SDK1: variants seen among roughly 807,000 people sequenced by gnomAD.
SDK1 encodes the protein protein sidekick-1.
In SDK1, 157 loss-of-function variants were observed where a neutral mutation model predicts 245.5. That is an observed-to-expected ratio of 0.64 (90% CI 0.56 to 0.73). The LOEUF (loss-of-function observed/expected upper bound fraction) is 0.73, where lower values mean the gene tolerates loss of function less well. Among genes scored for constraint, SDK1 ranks in the 30% least tolerant of loss-of-function variants. The pLI, the probability that SDK1 is intolerant of heterozygous loss-of-function variation, is 0.00. For synonymous variants in SDK1, 1,647 were observed against 1,278.5 expected, an observed-to-expected ratio of 1.29 and a Z score of -6.15; for missense variants, 3,583 against 3,002.3, an observed-to-expected ratio of 1.19 and a Z score of -4.52.
At chr7:3,581,949 A>G (rs2128632848) in intron 1 of SDK1, among the ~76,000 whole-genome samples, 1 of 152,324 alleles carries the variant, frequency 6.6e-6, no homozygotes, top group East Asian at 1.9e-4. Context: ...TGATGAGAAC[A>G]CATGGCCACA....
intron 1 of SDK1, among the ~76,000 whole-genome samples, chr7:3,469,607 A>T (rs961314516): frequency 6.6e-6 from 1 of 152,158 alleles, no homozygotes; most frequent in African/African-American, 2.4e-5. Flanking sequence ...TTGTGTATGT[A>T]TGCCTAGCTT....
intron 1 of SDK1, among the ~76,000 whole-genome samples, chr7:3,547,879 T>C (rs549196822): frequency 6.6e-6 from 1 of 152,326 alleles, no homozygotes; most frequent in East Asian, 1.9e-4. Flanking sequence ...GCCATCTGCT[T>C]CTTAGAATCT....
At position 3,303,150 on chromosome 7, in the gene SDK1, A is replaced by G. The variant is rs576378890; in HGVS notation, c.298+1266A>G. 2.6e-5 allele frequency among the ~76,000 whole-genome samples: 4 copies of G among 152,176 alleles called. No homozygotes were observed. The East Asian group carries it at 5.8e-4, about 22-fold the overall frequency. ...TATTTCTGGTTAATTTAACTCCTCC[A>G]TTACTTGGAAAATTTTCATTTCACT... On this transcript the variant is annotated intron_variant, in intron 1 of 44. Coordinates refer to ENST00000404826, the MANE Select transcript of SDK1 (RefSeq NM_152744.4).
intron 5 of SDK1, among the ~76,000 whole-genome samples, chr7:3,902,279 C>G (rs1479247088): frequency 6.6e-6 from 1 of 152,184 alleles, no homozygotes; most frequent in East Asian, 1.9e-4. Context: ...GGTTCTTCCT[C>G]TCCTCCCATT....
intron 1 of SDK1, among the ~76,000 whole-genome samples, chr7:3,309,617 C>A (rs975173821): frequency 7.6e-5 from 11 of 144,834 alleles, no homozygotes; most frequent in African/African-American, 2.5e-4. Flanking sequence ...ATTGTATAGT[C>A]ATGCTTTTAC....
At chr7:3,765,374 C>T (rs970590509) in intron 4 of SDK1, among the ~76,000 whole-genome samples, 1 of 152,184 alleles carries the variant, frequency 6.6e-6, no homozygotes, top group East Asian at 1.9e-4. Context: ...TACCACCTTG[C>T]CCCTAAAGGT....
rs553203184 is a variant in SDK1, at chr7:3,802,368, A to T, written c.714-19082A>T. On this transcript the variant is annotated intron_variant, in intron 4 of 44. Transcript: ENST00000404826. Reference sequence around the variant, plus strand: ...CCAAGACCTTATTTCTAAAAAAATAAAAATAAATAAATAAAAATTAGCCAG... The same window carrying T: ...CCAAGACCTTATTTCTAAAAAAATATAAATAAATAAATAAAAATTAGCCAG... 2.2e-4 allele frequency among the ~76,000 whole-genome samples: 33 copies of T among 152,232 alleles called. No homozygotes were observed. In the East Asian group the frequency reaches 6.4e-3, roughly 29 times the overall value.
At chr7:3,356,845 C>G (rs1376311281) in intron 1 of SDK1, among the ~76,000 whole-genome samples, 1 of 151,908 alleles carries the variant, frequency 6.6e-6, no homozygotes, top group African/African-American at 2.4e-5. Context: ...ATCACGAGGT[C>G]AGGAGTTCAA....
At chr7:3,365,926 C>T (rs888624407) in intron 1 of SDK1, among the ~76,000 whole-genome samples, 31 of 152,030 alleles carry the variant, frequency 2.0e-4, no homozygotes, top group African/African-American at 7.3e-4. Flanking sequence ...GTAATCCCAG[C>T]CACTTGGGAG....
At chr7:3,956,089 C>T (rs1781235631) in intron 7 of SDK1, among the ~76,000 whole-genome samples, 2 of 152,190 alleles carry the variant, frequency 1.3e-5, no homozygotes, top group African/African-American at 4.8e-5. Context: ...TTGTTTCCAT[C>T]CCCTGTTTTG....
intron 1 of SDK1, among the ~76,000 whole-genome samples, chr7:3,312,862 C>G (rs1001333005): frequency 2.0e-5 from 3 of 152,136 alleles, no homozygotes; most frequent in Non-Finnish European, 4.4e-5. Flanking sequence ...AATACAAGTT[C>G]TGCCTGAGCT....
intron 5 of SDK1, among the ~76,000 whole-genome samples, chr7:3,886,568 T>C (rs976477542): frequency 6.6e-6 from 1 of 152,244 alleles, no homozygotes; most frequent in African/African-American, 2.4e-5. Flanking sequence ...TTCAGTGAGC[T>C]TGGTTTCTGC....
At chr7:4,226,924 A>T (rs1190079233) in intron 40 of SDK1, among the ~76,000 whole-genome samples, 2 of 146,988 alleles carry the variant, frequency 1.4e-5, no homozygotes, top group African/African-American at 5.1e-5. Flanking sequence ...ATGCAGGCAG[A>T]TATTGTATTG....
chr7:4,224,973 ACT>A (rs1445493334), intron 40 of SDK1, among the ~76,000 whole-genome samples: 7 of 114,646 alleles, frequency 6.1e-5, no homozygotes, highest in African/African-American at 7.0e-5. Context: ...ACAGAGTGAG[ACT>A]CTGTCTCAAA....
chr7:3,645,671 A>G (rs1326024273), intron 4 of SDK1, among the ~76,000 whole-genome samples: 1 of 152,182 alleles, frequency 6.6e-6, no homozygotes, highest in Non-Finnish European at 1.5e-5. Context: ...CATGTCTAAG[A>G]AAGTACAGTT....
At chr7:3,512,855 T>TA (rs574662976) in intron 1 of SDK1, among the ~76,000 whole-genome samples, 237 of 152,326 alleles carry the variant, frequency 1.6e-3, no homozygotes, top group Middle Eastern at 6.8e-3. Context: ...TCTGTTTTGT[T>TA]AAAGTGCATT....
At chr7:3,741,288 T>A (rs1177034400) in intron 4 of SDK1, among the ~76,000 whole-genome samples, 1 of 152,162 alleles carries the variant, frequency 6.6e-6, no homozygotes, top group Non-Finnish European at 1.5e-5. Context: ...GAAGGCCCTG[T>A]CAGCCCACCT....
At chr7:3,330,819 A>C (rs999061654) in intron 1 of SDK1, among the ~76,000 whole-genome samples, 4 of 151,124 alleles carry the variant, frequency 2.6e-5, no homozygotes, top group Admixed American at 1.3e-4. Flanking sequence ...AAAAAAAAAA[A>C]AAAAAAAAAC....
At chr7:4,178,426 T>TC in intron 34 of SDK1, 59 bp from the exon 35 acceptor site, 1 of 1,291,314 alleles carries the variant, frequency 7.7e-7, no homozygotes, top group Non-Finnish European at 1.1e-6. Context: ...AGGGGGAACT[T>TC]TGGAGAAAGA....
Sources: gnomAD v4.1 joint callset for allele counts (sites outside exome capture counted in the v4.1 genomes callset) on GRCh38, gnomAD v4.1.1 for gene constraint, MANE v1.5 for transcripts, NCBI Gene and HGNC (gene_info 2026-07-23, HGNC 2026-07-21) for gene names.